The following LMTK3 variants were observed in gnomAD, a reference collection of about 807,000 sequenced individuals.
LMTK3 encodes the protein serine/threonine-protein kinase LMTK3.
LMTK3 carries 27 observed loss-of-function variants against 116.7 expected under a neutral mutation model. That is an observed-to-expected ratio of 0.23 (90% CI 0.17 to 0.32). The LOEUF is 0.32. Ranked by LOEUF, LMTK3 falls within the 10% of genes least tolerant of loss-of-function variation. The pLI is 1.00. For synonymous variants in LMTK3, 965 were observed against 971.0 expected, an observed-to-expected ratio of 0.99 and a Z score of 0.11; for missense variants, 1,764 against 2,068.5, an observed-to-expected ratio of 0.85 and a Z score of 2.86.
chr19:48,512,846 AG>A (rs770082727), upstream of LMTK3, among the ~76,000 whole-genome samples: 10 of 152,218 alleles, frequency 6.6e-5, no homozygotes, highest in Non-Finnish European at 1.2e-4. Context: ...TGATACATAC[AG>A]ACACATATAA....
rs1196061440 is a variant in LMTK3, at chr19:48,498,765, C to A, written c.2304G>T (p.Ala768=). The A allele has an allele frequency of 2.3e-6, 3 of 1,287,750 alleles. No individual in the cohort carries two copies. The highest frequency in any genetic ancestry group is 1.7e-5 in the African/African-American group (1 of 60,026). The allele number at this position is 1,287,750 out of a possible 1,614,324, so 79.8% of individuals were successfully genotyped here. Residue 768 remains alanine (A), a synonymous_variant, in exon 11 of 15, where the codon GCG becomes GCT. Coordinates refer to ENST00000600059, the MANE Select transcript of LMTK3 (RefSeq NM_001388485.1). ...CCACGGCCGAAGGGGGGTCGGGGGA[C>A]GCGGCCGGGTCCGCGGGGGCCCGAG... is the stretch of plus-strand genomic sequence containing the variant. ...PPPRAPADPA[A]SPDPPSAVAS... is the part of the protein sequence containing the mutation.
At chr19:48,490,086 G>A (rs1459016362) in intron 14 of LMTK3, among the ~76,000 whole-genome samples, 1 of 152,200 alleles carries the variant, frequency 6.6e-6, no homozygotes, top group Admixed American at 6.5e-5. Context: ...GAGGATTAGC[G>A]ATATGGCGCA....
At chr19:48,513,063 A>G (rs909946220), upstream of LMTK3, 8 of 1,187,646 alleles carry the variant, frequency 6.7e-6, no homozygotes, top group Non-Finnish European at 9.8e-6. The surrounding 1 kb of genome is among the most constrained non-coding windows in gnomAD (Gnocchi z 5.6). Context: ...ACTGGCACAC[A>G]TAACACATAC....
Position 48,491,619 on chromosome 19 carries a change from C to G in LMTK3, c.4093-80G>C. ...ACCGCATCCCCCAAAAGCAACAAAA[C>G]CGGCTAATATTTCTGGGGCTCTAGG... On this transcript the variant is annotated intron_variant, in intron 12 of 14. Coordinates refer to ENST00000600059, the MANE Select transcript of LMTK3 (RefSeq NM_001388485.1). This position sits in a 1 kb window ranked among gnomAD's most constrained non-coding sequence, Gnocchi z 5.1. The G allele has an allele frequency of 8.3e-7, 1 of 1,207,746 alleles. No homozygotes were observed. Among genetic ancestry groups the G allele is most frequent in the South Asian group, 3.3e-5 (1 of 30,114 alleles). The allele number at this position is 1,207,746 out of a possible 1,614,324, so 74.8% of individuals were successfully genotyped here.
chr19:48,508,403 G>A (rs1601058130), intron 5 of LMTK3, among the ~76,000 whole-genome samples: 1 of 152,138 alleles, frequency 6.6e-6, no homozygotes, highest in African/African-American at 2.4e-5. Context: ...CACTGAGAGT[G>A]GAGTAGAGAC....
At position 48,499,296 on chromosome 19, in the gene LMTK3, C is replaced by A; in HGVS notation, c.1773G>T (p.Ala591=). 2 of 1,408,748 alleles carry A rather than the reference C, an allele frequency of 1.4e-6. No homozygotes were observed. Among genetic ancestry groups the A allele is most frequent in the Non-Finnish European group, 1.9e-6 (2 of 1,080,746 alleles). 87.3% of individuals were successfully genotyped at this position (1,408,748 alleles called of 1,614,324 possible). A position where few individuals can be genotyped will look rare whatever the true frequency, so the allele number is the denominator to read the frequency against. The change falls in exon 11 of 15, where the codon GCG becomes GCT. Residue 591 remains alanine (A), a synonymous_variant. Transcript: ENST00000600059. ...AGGACTGGGCTGGGAAGGGCCGGGG[C>A]GCAGGGAAGAGGGGGGAGGCCCAGG... ...SETWASPLFP[A]PRPFPAQSSA...
At position 48,500,252 on chromosome 19, in the gene LMTK3, G is replaced by A. The variant is rs1281628398; in HGVS notation, c.1152-335C>T. Reference sequence around the variant, plus strand: ...AGCCTGGCTAACATGGTGAAACCCCGTTTCTACTAAAAATACAAAAAATTA... The same window carrying A: ...AGCCTGGCTAACATGGTGAAACCCCATTTCTACTAAAAATACAAAAAATTA... On this transcript the variant is annotated intron_variant, in intron 10 of 14. Transcript: ENST00000600059. This position sits in a 1 kb window ranked among gnomAD's most constrained non-coding sequence, Gnocchi z 4.0. 6.6e-6 allele frequency among the ~76,000 whole-genome samples: 1 copy of A among 152,096 alleles called. No individual in the cohort carries two copies. Among genetic ancestry groups the A allele is most frequent in the Non-Finnish European group, 1.5e-5 (1 of 68,010 alleles).
Position 48,497,483 on chromosome 19 carries a change from C to G in LMTK3, c.3586G>C (p.Asp1196His). Residue 1196 changes from aspartate (D) to histidine (H), a missense_variant, in exon 11 of 15, where the codon GAC becomes CAC. Asp to His is a moderately conservative substitution (Grantham distance 81). Coordinates refer to ENST00000600059, the MANE Select transcript of LMTK3 (RefSeq NM_001388485.1). The surrounding 1 kb of genome is among the most constrained non-coding windows in gnomAD (Gnocchi z 5.7). ...CCCTTCCTCTCGGGCTTGGGGGGGT[C>G]CCCGTCTCCGCTGAGTGCCGTGTCT... is the stretch of plus-strand genomic sequence containing the variant. ...GGDTALSGDG[D>H]PPKPERKGPE... 6.7e-7 allele frequency: 1 copy of G among 1,491,574 alleles called. No homozygotes were observed. 92.4% of individuals were successfully genotyped at this position (1,491,574 alleles called of 1,614,324 possible). A position where few individuals can be genotyped will look rare whatever the true frequency, so the allele number is the denominator to read the frequency against.
rs147166074 is a variant in LMTK3 at position 48,489,009 on chromosome 19, G to A, written c.4366+2099C>T. Among the ~76,000 whole-genome samples the A allele has an allele frequency of 2.4e-3, 366 of 152,246 alleles. 3 individuals are homozygous for A. Among genetic ancestry groups the A allele is most frequent in the African/African-American group, 8.3e-3 (347 of 41,562 alleles). ...CTGCCTTGGCCTCCCAAAGTGCTGG[G>A]CTTACAGGCGTAAGCCACTGTGCCT... On this transcript the variant is annotated intron_variant, in intron 14 of 14. Transcript: ENST00000600059.
chr19:48,502,728 C>T, intron 6 of LMTK3, 147 bp from the exon 7 acceptor site: 1 of 1,074,900 alleles, frequency 9.3e-7, no homozygotes, highest in South Asian at 1.6e-5. Flanking sequence ...ATAACACAGC[C>T]CATCTTGCCT....
At position 48,485,752 on chromosome 19, in the gene LMTK3, C is replaced by T. The variant is rs369656949; in HGVS notation, c.*21G>A. The T allele has an allele frequency of 5.6e-6, 9 of 1,608,612 alleles. No homozygotes were observed. In the African/African-American group the frequency reaches 6.7e-5, roughly 12 times the overall value. ...CTCAACCCCTCTTCTGAGGGTGCAGCGGGGTCGGGTCTTCGGGGAATCAAT... is the reference window on the plus strand; with the variant it reads ...CTCAACCCCTCTTCTGAGGGTGCAGTGGGGTCGGGTCTTCGGGGAATCAAT... On this transcript the variant is annotated 3_prime_UTR_variant, in exon 15 of 15. Coordinates refer to ENST00000600059, the MANE Select transcript of LMTK3 (RefSeq NM_001388485.1).
chr19:48,507,625 A>G (rs1972592578), intron 5 of LMTK3, among the ~76,000 whole-genome samples: 1 of 152,188 alleles, frequency 6.6e-6, no homozygotes, highest in Non-Finnish European at 1.5e-5. Flanking sequence ...TTATTTATAT[A>G]ATAGAGACAG....
intron 5 of LMTK3, among the ~76,000 whole-genome samples, chr19:48,503,610 T>G (rs1972511659): frequency 6.6e-6 from 1 of 151,974 alleles, no homozygotes; most frequent in Non-Finnish European, 1.5e-5. Flanking sequence ...CCCCTTCCCT[T>G]TGCCTCACCT....
chr19:48,507,218 G>T (rs147483308), intron 5 of LMTK3, among the ~76,000 whole-genome samples: 2 of 152,204 alleles, frequency 1.3e-5, no homozygotes, highest in African/African-American at 2.4e-5. Context: ...AAGGCCGGCC[G>T]CTCTGCTCTC....
chr19:48,501,682 C>G, intron 7 of LMTK3, 120 bp from the exon 8 acceptor site: 1 of 987,030 alleles, frequency 1.0e-6, no homozygotes, highest in South Asian at 1.4e-5. Context: ...GACTCTGCCC[C>G]TTCCCTCTGA....
intron 7 of LMTK3, among the ~76,000 whole-genome samples, 198 bp downstream of exon 7, chr19:48,502,235 C>CCT (rs1972484019): frequency 6.7e-6 from 1 of 149,818 alleles, no homozygotes; most frequent in South Asian, 2.2e-4. Flanking sequence ...ACCCCGCCTC[C>CCT]CTCTCACTTG....
chr19:48,501,233 C>T (rs746021928), intron 9 of LMTK3, 50 bp downstream of exon 9: 4 of 1,609,476 alleles, frequency 2.5e-6, no homozygotes, highest in Non-Finnish European at 3.4e-6. Context: ...CATCTAGTAA[C>T]CCTTCCACCT....
rs1299652707 is a variant in LMTK3 at position 48,493,877 on chromosome 19, G to C, written c.3909C>G (p.Pro1303=). 11 of 1,131,386 alleles carry C rather than the reference G, an allele frequency of 9.7e-6. No individual in the cohort carries two copies. In the South Asian group the frequency reaches 4.7e-4, roughly 48 times the overall value. The allele number at this position is 1,131,386 out of a possible 1,614,324, so 70.1% of individuals were successfully genotyped here. A position where few individuals can be genotyped will look rare whatever the true frequency, so the allele number is the denominator to read the frequency against. ...APGAAAGPRG[P]GRARAAPVPV... ...GCACCGGGGCTGCTCGCGCCCTCCC[G>C]GGGCCCCGCGGCCCCGCCGCCGCGC... is the stretch of plus-strand genomic sequence containing the variant. Residue 1303 remains proline, a synonymous_variant, in exon 12 of 15, where the codon CCC becomes CCG. Coordinates refer to ENST00000600059, the MANE Select transcript of LMTK3 (RefSeq NM_001388485.1).
intron 10 of LMTK3, 77 bp from the exon 11 acceptor site, chr19:48,499,994 C>T (rs1972433849): frequency 7.2e-7 from 1 of 1,394,656 alleles, no homozygotes; most frequent in Non-Finnish European, 9.6e-7. Flanking sequence ...GACAGACAAC[C>T]AGAGAGAGGG....
Sources: gnomAD v4.1 joint callset for allele counts (sites outside exome capture counted in the v4.1 genomes callset) on GRCh38, gnomAD v4.1.1 for gene constraint, Gnocchi (gnomAD v3.1) non-coding constraint, MANE v1.5 for transcripts, NCBI Gene and HGNC (gene_info 2026-07-23, HGNC 2026-07-21) for gene names.